The following SEC61A2 variants were observed in gnomAD, a reference collection of about 807,000 sequenced individuals.
The protein encoded by SEC61A2 is SEC61 translocon subunit alpha 2, also known as protein transport protein Sec61 subunit alpha isoform 2.
A neutral mutation model predicts 59.9 loss-of-function variants in SEC61A2; 28 were observed. The observed-to-expected ratio is 0.47, with a 90% confidence interval of 0.35 to 0.64. SEC61A2 has a LOEUF of 0.64. Among genes scored for constraint, SEC61A2 ranks in the 30% least tolerant of loss-of-function variants. The pLI is 0.01. For synonymous variants in SEC61A2, 202 were observed against 214.4 expected (o/e 0.94, Z 0.50); for missense variants, 340 against 585.9 (o/e 0.58, Z 4.33).
chr10:12,138,222 T>G (rs1014997551), intron 3 of SEC61A2, among the ~76,000 whole-genome samples: 1 of 152,176 alleles, frequency 6.6e-6, no homozygotes, highest in African/African-American at 2.4e-5. Flanking sequence ...GTACTTTTAC[T>G]ACTGTACTTG....
At chr10:12,139,331 C>G (rs1452288882) in intron 3 of SEC61A2, among the ~76,000 whole-genome samples, 1 of 151,476 alleles carries the variant, frequency 6.6e-6, no homozygotes, top group African/African-American at 2.4e-5. Flanking sequence ...TCCTGGTCTA[C>G]TTTTAGTATT....
At position 12,165,267 on chromosome 10, in the gene SEC61A2, CAATG is replaced by C. The variant is rs1391125237; in HGVS notation, c.*817_*820del. 1 of 985,246 alleles carries C rather than the reference CAATG, an allele frequency of 1.0e-6. No individual in the cohort carries two copies. Among genetic ancestry groups the C allele is most frequent in the African/African-American group, 1.7e-5 (1 of 57,208 alleles). 61.0% of individuals were successfully genotyped at this position (985,246 alleles called of 1,614,324 possible). ...ATGTCTGTAGTTCAGTGGGGGTGAACAATGAATATATTCATGCTAGGAATTTGTG... is the reference window on the plus strand; with the variant it reads ...ATGTCTGTAGTTCAGTGGGGGTGAACAATATATTCATGCTAGGAATTTGTG... On this transcript the variant is annotated 3_prime_UTR_variant, in exon 12 of 12. Coordinates refer to ENST00000298428, the MANE Select transcript of SEC61A2 (RefSeq NM_018144.4).
In SEC61A2 at chr10:12,152,926, G is replaced by C. The variant is rs1310230876; in HGVS notation, c.463-2852G>C. On this transcript the variant is annotated intron_variant, in intron 6 of 11. Coordinates refer to ENST00000298428, the MANE Select transcript of SEC61A2 (RefSeq NM_018144.4). The surrounding 1 kb of genome is among the most constrained non-coding windows in gnomAD (Gnocchi z 5.5). ...CGACAAAAATTAGCCAGGCGTGGCG[G>C]TGTGTGCCTGTAATCCCAGCTACTA... 6.6e-6 allele frequency among the ~76,000 whole-genome samples: 1 copy of C among 151,894 alleles called. No individual in the cohort carries two copies. Among genetic ancestry groups the C allele is most frequent in the African/African-American group, 2.4e-5 (1 of 41,364 alleles).
chr10:12,151,553 G>A (rs1028555341), intron 6 of SEC61A2, among the ~76,000 whole-genome samples: 3 of 151,958 alleles, frequency 2.0e-5, no homozygotes, highest in Non-Finnish European at 4.4e-5. Context: ...CTCGTGATCC[G>A]CCTGCCTCGG....
In SEC61A2 at chr10:12,136,385, G is replaced by A. The variant is rs370296948; in HGVS notation, c.141+215G>A. Among the ~76,000 whole-genome samples, 27 of 152,032 alleles carry A rather than the reference G, an allele frequency of 1.8e-4. 2 individuals are homozygous for A. Among genetic ancestry groups the A allele is most frequent in the South Asian group, 1.0e-3 (5 of 4,808 alleles). Reference sequence around the variant, plus strand: ...TGCAGGGGCATGATCTCGGCTCACCGCAACCTCTGCCTCCTGGGTTCAAGT... The same window carrying A: ...TGCAGGGGCATGATCTCGGCTCACCACAACCTCTGCCTCCTGGGTTCAAGT... On this transcript the variant is annotated intron_variant, in intron 3 of 11. Coordinates refer to ENST00000298428, the MANE Select transcript of SEC61A2 (RefSeq NM_018144.4).
In SEC61A2 at chr10:12,164,188, C is replaced by A; in HGVS notation, c.1245-80C>A. The A allele has an allele frequency of 6.6e-7, 1 of 1,513,684 alleles. No individual in the cohort carries two copies. The highest frequency in any genetic ancestry group is 8.9e-7 in the Non-Finnish European group (1 of 1,117,622). 93.8% of individuals were successfully genotyped at this position (1,513,684 alleles called of 1,614,324 possible). A position where few individuals can be genotyped will look rare whatever the true frequency, so the allele number is the denominator to read the frequency against. ...GCTTTAGACCCAGCTATGGCTGCTG[C>A]GCCTCGACCTGTCTTCGTCTCTAGC... On this transcript the variant is annotated intron_variant, in intron 11 of 11. Coordinates refer to ENST00000298428, the MANE Select transcript of SEC61A2 (RefSeq NM_018144.4). The surrounding 1 kb of genome is among the most constrained non-coding windows in gnomAD (Gnocchi z 7.3).
At position 12,158,528 on chromosome 10, in the gene SEC61A2, C is replaced by T. The variant is rs1029432500; in HGVS notation, c.975+423C>T. On this transcript the variant is annotated intron_variant, in intron 9 of 11. Transcript: ENST00000298428. The surrounding 1 kb of genome is among the most constrained non-coding windows in gnomAD (Gnocchi z 5.7). ...GGTGGATCACCTGAGGTCAGGAGTT[C>T]GAGACCAGCCTGGCCACATGGTGAA... Among the ~76,000 whole-genome samples, 33 of 151,958 alleles carry T rather than the reference C, an allele frequency of 2.2e-4. No homozygotes were observed. The highest frequency in any genetic ancestry group is 4.0e-4 in the Non-Finnish European group (27 of 68,004).
chr10:12,150,817 C>T (rs1316730021), intron 6 of SEC61A2, among the ~76,000 whole-genome samples: 8 of 151,338 alleles, frequency 5.3e-5, no homozygotes, highest in East Asian at 3.9e-4. Context: ...CTCTGTTGCC[C>T]GGGCTGGAGT....
rs2131680297 is a variant in SEC61A2, at chr10:12,159,965, C to G, written c.976-965C>G. Among the ~76,000 whole-genome samples, 3 of 152,150 alleles carry G rather than the reference C, an allele frequency of 2.0e-5. 1 individual carries two copies. Among genetic ancestry groups the G allele is most frequent in the African/African-American group, 7.2e-5 (3 of 41,522 alleles). ...TATTAGTTGAAGGGAATAGGATTCC[C>G]TTTATTCATAATACTTCTTTCCCAT... On this transcript the variant is annotated intron_variant, in intron 9 of 11. Transcript: ENST00000298428.
In SEC61A2 at chr10:12,162,373, A is replaced by G. The variant is rs533672597; in HGVS notation, c.1244+84A>G. ...TTGGCTAAATGTTTTTCTTTGTTCA[A>G]GTTCATATTTAAAACCCTTCTATTC... On this transcript the variant is annotated intron_variant, in intron 11 of 11. Coordinates refer to ENST00000298428, the MANE Select transcript of SEC61A2 (RefSeq NM_018144.4). This position sits in a 1 kb window ranked among gnomAD's most constrained non-coding sequence, Gnocchi z 6.1. 8.4e-4 allele frequency: 995 copies of G among 1,180,022 alleles called. 16 individuals are homozygous for G. In the South Asian group the frequency reaches 0.012, roughly 14 times the overall value. The allele number at this position is 1,180,022 out of a possible 1,614,324, so 73.1% of individuals were successfully genotyped here.
chr10:12,155,721 C>T lies in SEC61A2; in HGVS notation c.463-57C>T, dbSNP rs1029096261. 24 of 1,599,708 alleles carry T rather than the reference C, an allele frequency of 1.5e-5. No homozygotes were observed. Among genetic ancestry groups the T allele is most frequent in the African/African-American group, 2.7e-5 (2 of 74,638 alleles). ...CTTGGAAATAGCCAATGGTGTTCCTCTCCCCCTTTCTTGAGTTTGTTCTTG... is the reference window on the plus strand; with the variant it reads ...CTTGGAAATAGCCAATGGTGTTCCTTTCCCCCTTTCTTGAGTTTGTTCTTG... On this transcript the variant is annotated intron_variant, in intron 6 of 11. Coordinates refer to ENST00000298428, the MANE Select transcript of SEC61A2 (RefSeq NM_018144.4). This position sits in a 1 kb window ranked among gnomAD's most constrained non-coding sequence, Gnocchi z 4.3.
chr10:12,129,657 C>T, upstream of SEC61A2: 4 of 857,038 alleles, frequency 4.7e-6, no homozygotes, highest in Non-Finnish European at 6.9e-6. The surrounding 1 kb of genome is among the most constrained non-coding windows in gnomAD (Gnocchi z 5.6). Context: ...GGAGTCTGCG[C>T]GGGGTTGGGC....
chr10:12,136,669 G>A (rs1444203157), intron 3 of SEC61A2, among the ~76,000 whole-genome samples: 3 of 151,896 alleles, frequency 2.0e-5, no homozygotes, highest in Non-Finnish European at 4.4e-5. Flanking sequence ...TCACATTGTT[G>A]CCCAGGCTGG....
Position 12,143,350 on chromosome 10 carries a change from T to C in SEC61A2, c.220+155T>C, listed in dbSNP as rs1203847642. ...GATAATGACAACACCGTGTGATTAA[T>C]GTAATCATAGAGAAATCTGTTCTTG... On this transcript the variant is annotated intron_variant, in intron 4 of 11. Transcript: ENST00000298428. The surrounding 1 kb of genome is among the most constrained non-coding windows in gnomAD (Gnocchi z 4.8). 6.6e-6 allele frequency among the ~76,000 whole-genome samples: 1 copy of C among 152,196 alleles called. No individual in the cohort carries two copies. Among genetic ancestry groups the C allele is most frequent in the Non-Finnish European group, 1.5e-5 (1 of 68,040 alleles).
downstream of SEC61A2, chr10:12,169,501 C>T: frequency 5.5e-6 from 3 of 543,182 alleles, no homozygotes; most frequent in Non-Finnish European, 9.7e-6. This position sits in a 1 kb window ranked among gnomAD's most constrained non-coding sequence, Gnocchi z 4.8. Flanking sequence ...CCGAGTCGGG[C>T]CTGTGACTCC....
Position 12,165,364 on chromosome 10 carries a change from C to A in SEC61A2, c.*910C>A, listed in dbSNP as rs1030526925. The A allele has an allele frequency of 2.0e-6, 2 of 976,486 alleles. No individual in the cohort carries two copies. Among genetic ancestry groups the A allele is most frequent in the Non-Finnish European group, 2.4e-6 (2 of 821,832 alleles). The allele number at this position is 976,486 out of a possible 1,614,324, so 60.5% of individuals were successfully genotyped here. On this transcript the variant is annotated 3_prime_UTR_variant, in exon 12 of 12. Coordinates refer to ENST00000298428, the MANE Select transcript of SEC61A2 (RefSeq NM_018144.4). ...GACAATAAACTTTTATTTAAGAAAA[C>A]TGATTCAGTTGTGTTGGAAAAAATA... is the stretch of plus-strand genomic sequence containing the variant.
chr10:12,164,565 G>A lies in SEC61A2; in HGVS notation c.*111G>A, dbSNP rs1834618439. The A allele has an allele frequency of 1.2e-5, 18 of 1,493,342 alleles. No individual in the cohort carries two copies. The highest frequency in any genetic ancestry group is 1.6e-5 in the Non-Finnish European group (18 of 1,126,922). The allele number at this position is 1,493,342 out of a possible 1,614,324, so 92.5% of individuals were successfully genotyped here. ...TTCTCCCCTCACAGTTTCTTGTTTC[G>A]AGTGCTGACTGACCCGTTTCTGAAA... On this transcript the variant is annotated 3_prime_UTR_variant, in exon 12 of 12. Coordinates refer to ENST00000298428, the MANE Select transcript of SEC61A2 (RefSeq NM_018144.4). This position sits in a 1 kb window ranked among gnomAD's most constrained non-coding sequence, Gnocchi z 7.3.
chr10:12,155,923 C>G lies in SEC61A2; in HGVS notation c.608C>G (p.Thr203Ser), dbSNP rs765320810. 1 of 1,614,230 alleles carries G rather than the reference C, an allele frequency of 6.2e-7. No individual in the cohort carries two copies. The highest frequency in any genetic ancestry group is 2.2e-5 in the East Asian group (1 of 44,886). Residue 203 changes from threonine to serine, a missense_variant, in exon 7 of 12, where the codon ACT becomes AGT. By Grantham distance (58) the Thr-to-Ser change is moderately conservative. This residue lies in a region of SEC61A2 where 283 missense variants were observed against 483.2 expected (regional missense o/e 0.59). Transcript: ENST00000298428. The surrounding 1 kb of genome is among the most constrained non-coding windows in gnomAD (Gnocchi z 4.3). The stretch of plus-strand genomic sequence containing the variant: ...GCCTTTAGTCCCACTACCATTAACA[C>G]TGGCAGAGGTACATCGCACAGCGAC... ...WKAFSPTTINTGRGTEFEGAV... is the reference protein window; with the variant it reads ...WKAFSPTTINSGRGTEFEGAV...
rs1301642311 is a variant in SEC61A2 at position 12,161,816 on chromosome 10, TTTAA to T, written c.1168-394_1168-391del. ...AAACTTTGTTTTTGGAAAATTCATA[TTTAA>T]TTGTCAAAACAGTAGTGGATACACT... On this transcript the variant is annotated intron_variant, in intron 10 of 11. Transcript: ENST00000298428. The surrounding 1 kb of genome is among the most constrained non-coding windows in gnomAD (Gnocchi z 5.4). Among the ~76,000 whole-genome samples, 8 of 152,306 alleles carry T rather than the reference TTTAA, an allele frequency of 5.3e-5. No individual in the cohort carries two copies. Among genetic ancestry groups the T allele is most frequent in the East Asian group, 3.9e-4 (2 of 5,186 alleles).
Sources: allele counts gnomAD v4.1 joint callset (sites outside exome capture counted in the v4.1 genomes callset), GRCh38; gene constraint gnomAD v4.1.1; regional missense constraint gnomAD v4.1.1; non-coding constraint Gnocchi (gnomAD v3.1); transcripts MANE v1.5; gene names NCBI Gene and HGNC (gene_info 2026-07-23, HGNC 2026-07-21).